The following PTPRD variants were observed in gnomAD, a reference collection of about 807,000 sequenced individuals.
The protein encoded by PTPRD is receptor-type tyrosine-protein phosphatase delta.
A neutral mutation model predicts 214.5 loss-of-function variants in PTPRD; 34 were observed. That is an observed-to-expected ratio of 0.16 (90% confidence interval 0.12 to 0.21). PTPRD has a LOEUF of 0.21. PTPRD is among the 10% of genes least tolerant of loss of function. The pLI is 1.00. For synonymous variants in PTPRD, 1,128 were observed against 845.7 expected (o/e 1.33, Z -5.79); for missense variants, 2,545 against 2,398.7 (o/e 1.06, Z -1.27).
At chr9:9,875,230 A>T (rs2066515200) in intron 5 of PTPRD, among the ~76,000 whole-genome samples, 1 of 152,058 alleles carries the variant, frequency 6.6e-6, no homozygotes, top group Non-Finnish European at 1.5e-5. Context: ...ATCTTTTGAG[A>T]TCCTTTATGT....
chr9:9,805,572 C>T (rs1315218622), intron 5 of PTPRD, among the ~76,000 whole-genome samples: 3 of 152,084 alleles, frequency 2.0e-5, no homozygotes, highest in Non-Finnish European at 2.9e-5. Flanking sequence ...ATATTTAAAG[C>T]TTTTCTTTTA....
intron 34 of PTPRD, among the ~76,000 whole-genome samples, chr9:8,448,317 G>C (rs1213420083): frequency 2.6e-5 from 4 of 152,112 alleles, no homozygotes; most frequent in Non-Finnish European, 5.9e-5. Context: ...AATCGAGTGA[G>C]ACTCTGTCTC....
At chr9:10,048,064 G>C (rs1387990772) in intron 3 of PTPRD, among the ~76,000 whole-genome samples, 1 of 152,108 alleles carries the variant, frequency 6.6e-6, no homozygotes, top group African/African-American at 2.4e-5. Flanking sequence ...CTTGAATCCA[G>C]CCATCTATTT....
Position 9,629,347 on chromosome 9 carries a change from A to G in PTPRD, c.-286-54566T>C, listed in dbSNP as rs549316382. On this transcript the variant is annotated intron_variant, in intron 7 of 45. Transcript: ENST00000381196. ...TACTTAACTTTAATTATATATCACT[A>G]TGATAAACCACCTAAAATGCCACTT... 4.3e-4 allele frequency among the ~76,000 whole-genome samples: 65 copies of G among 151,632 alleles called. 3 individuals are homozygous for G. In the South Asian group the frequency reaches 0.013, roughly 31 times the overall value.
intron 8 of PTPRD, among the ~76,000 whole-genome samples, chr9:9,463,022 A>T (rs541110887): frequency 6.6e-6 from 1 of 152,046 alleles, no homozygotes; most frequent in East Asian, 1.9e-4. Context: ...TGTTTGTGGC[A>T]TCTAGTTTCC....
At chr9:10,359,758 G>C (rs11793135) in intron 2 of PTPRD, among the ~76,000 whole-genome samples, 15,187 of 152,050 alleles carry the variant, frequency 0.1, 781 homozygotes, top group African/African-American at 0.11. Flanking sequence ...AAATTATTCT[G>C]CTTAACAATT....
At chr9:9,710,881 C>T (rs901886238) in intron 7 of PTPRD, among the ~76,000 whole-genome samples, 1 of 152,070 alleles carries the variant, frequency 6.6e-6, no homozygotes, top group Non-Finnish European at 1.5e-5. Flanking sequence ...GATTTCCAGC[C>T]AGGGCCGTGA....
chr9:9,195,284 A>C (rs759889874), intron 9 of PTPRD, among the ~76,000 whole-genome samples: 1 of 152,072 alleles, frequency 6.6e-6, no homozygotes, highest in Non-Finnish European at 1.5e-5. Context: ...ATTCACAAAC[A>C]ACATTTAGTT....
chr9:9,993,814 G>A (rs1053116819), intron 4 of PTPRD, among the ~76,000 whole-genome samples: 2 of 152,116 alleles, frequency 1.3e-5, no homozygotes, highest in Non-Finnish European at 2.9e-5. Context: ...AAATAAAACA[G>A]AATCTGCTTT....
At chr9:10,183,435 G>A (rs1338194925) in intron 3 of PTPRD, among the ~76,000 whole-genome samples, 1 of 152,138 alleles carries the variant, frequency 6.6e-6, no homozygotes, top group Non-Finnish European at 1.5e-5. Context: ...GGACTACAGT[G>A]TTGAGTAACT....
intron 5 of PTPRD, among the ~76,000 whole-genome samples, chr9:9,845,500 G>A (rs891750731): frequency 2.3e-4 from 35 of 151,676 alleles, no homozygotes; most frequent in African/African-American, 7.5e-4. Context: ...TTGAGGGTGA[G>A]GTGGGGGGCA....
At chr9:10,378,766 T>A (rs934145336) in intron 2 of PTPRD, among the ~76,000 whole-genome samples, 1 of 152,102 alleles carries the variant, frequency 6.6e-6, no homozygotes, top group African/African-American at 2.4e-5. Flanking sequence ...CCTGGTTTTG[T>A]ACCTTTTGCA....
At chr9:10,543,763 G>C (rs1329336481) in intron 2 of PTPRD, among the ~76,000 whole-genome samples, 2 of 152,176 alleles carry the variant, frequency 1.3e-5, no homozygotes, top group African/African-American at 2.4e-5. Context: ...ATACATCGCA[G>C]TCAACAACCT....
At chr9:8,937,258 C>G (rs188631279) in intron 11 of PTPRD, among the ~76,000 whole-genome samples, 1 of 152,180 alleles carries the variant, frequency 6.6e-6, no homozygotes, top group African/African-American at 2.4e-5. Flanking sequence ...ATAAGACAGT[C>G]AGGAATCAAA....
chr9:8,584,994 A>C (rs1017559504), intron 14 of PTPRD, among the ~76,000 whole-genome samples: 1 of 152,200 alleles, frequency 6.6e-6, no homozygotes, highest in Non-Finnish European at 1.5e-5. Flanking sequence ...AATCTCCTCT[A>C]TGATTCAATT....
At chr9:10,356,418 C>T (rs1344590083) in intron 2 of PTPRD, among the ~76,000 whole-genome samples, 1 of 152,052 alleles carries the variant, frequency 6.6e-6, no homozygotes, top group African/African-American at 2.4e-5. Context: ...AAAATGCTGT[C>T]CAGTGATATT....
At chr9:8,640,356 A>T (rs1050638657) in intron 12 of PTPRD, among the ~76,000 whole-genome samples, 5 of 152,186 alleles carry the variant, frequency 3.3e-5, no homozygotes, top group Non-Finnish European at 7.3e-5. Flanking sequence ...TCTCAAAAAT[A>T]AAAAATTTAA....
intron 3 of PTPRD, among the ~76,000 whole-genome samples, chr9:10,096,457 T>C (rs979245403): frequency 1.3e-5 from 2 of 151,968 alleles, no homozygotes; most frequent in African/African-American, 2.4e-5. Context: ...GGTATCTCAT[T>C]GTGGTTTTGA....
chr9:8,609,775 T>C (rs1027389588), intron 14 of PTPRD, among the ~76,000 whole-genome samples: 1 of 152,226 alleles, frequency 6.6e-6, no homozygotes, highest in Admixed American at 6.5e-5. Flanking sequence ...TTCATAAAAA[T>C]GGAAGGGATA....
Sources: gnomAD v4.1 joint callset for allele counts (sites outside exome capture counted in the v4.1 genomes callset) on GRCh38, gnomAD v4.1.1 for gene constraint, MANE v1.5 for transcripts, NCBI Gene and HGNC (gene_info 2026-07-23, HGNC 2026-07-21) for gene names.